Variants in DLG5 observed in about 807,000 individuals in gnomAD.
DLG5 encodes discs large MAGUK scaffold protein 5.
DLG5 carries 48 observed loss-of-function variants against 189.8 expected under a neutral mutation model. That is an observed-to-expected ratio of 0.25 (90% CI 0.20 to 0.32). The LOEUF (loss-of-function observed/expected upper bound fraction) is 0.32, where lower values mean the gene tolerates loss of function less well. Ranked by LOEUF, DLG5 falls within the 10% of genes least tolerant of loss-of-function variation. DLG5 has a pLI of 1.00. For missense variants in DLG5, 2,160 were observed against 2,544.7 expected, an observed-to-expected ratio of 0.85 and a Z score of 3.25; for synonymous variants, 1,016 against 1,054.1, an observed-to-expected ratio of 0.96 and a Z score of 0.70.
intron 1 of DLG5, among the ~76,000 whole-genome samples, chr10:77,869,936 T>C (rs1564564882): frequency 6.6e-6 from 1 of 152,120 alleles, no homozygotes; most frequent in African/African-American, 2.4e-5. Context: ...GTAGCTTTTG[T>C]TTTCTGGAAC....
At chr10:77,876,430 A>G (rs1477457668) in intron 1 of DLG5, among the ~76,000 whole-genome samples, 2 of 148,518 alleles carry the variant, frequency 1.3e-5, no homozygotes. Context: ...GCTGGAGTGC[A>G]GTGGCACAAT....
chr10:77,908,245 C>T (rs767105108), intron 1 of DLG5, among the ~76,000 whole-genome samples: 4 of 152,222 alleles, frequency 2.6e-5, no homozygotes, highest in Admixed American at 2.0e-4. Context: ...AGAGTTGAAA[C>T]TGGGGAGAAC....
At chr10:77,801,477 G>A (rs1240808365) in intron 27 of DLG5, among the ~76,000 whole-genome samples, 2 of 152,112 alleles carry the variant, frequency 1.3e-5, no homozygotes, top group Non-Finnish European at 2.9e-5. Flanking sequence ...GGGTATTGTC[G>A]AAGAACAAAA....
intron 27 of DLG5, among the ~76,000 whole-genome samples, chr10:77,802,799 C>T (rs1841280144): frequency 6.6e-6 from 1 of 152,156 alleles, no homozygotes; most frequent in Non-Finnish European, 1.5e-5. Context: ...ACTCGGCAGG[C>T]TGAGGCAGGA....
intron 1 of DLG5, among the ~76,000 whole-genome samples, chr10:77,890,265 AG>A (rs1213977887): frequency 6.6e-6 from 1 of 152,194 alleles, no homozygotes; most frequent in African/African-American, 2.4e-5. Context: ...GGATGTCTTC[AG>A]CTGGAGGGCG....
the DLG5 span, among the ~76,000 whole-genome samples, chr10:77,935,565 T>G: frequency 6.6e-6 from 1 of 151,686 alleles, no homozygotes; most frequent in African/African-American, 2.4e-5. Context: ...GAGAAACAGA[T>G]CCTGGCGGTC....
chr10:77,803,174 G>A (rs1841302447), intron 27 of DLG5, among the ~76,000 whole-genome samples: 1 of 152,170 alleles, frequency 6.6e-6, no homozygotes, highest in Admixed American at 6.5e-5. Context: ...TAAAAAGCAA[G>A]AAAGAAGGGA....
chr10:77,806,622 G>C (rs923745806), intron 26 of DLG5, 136 bp downstream of exon 26: 3 of 1,241,056 alleles, frequency 2.4e-6, no homozygotes, highest in African/African-American at 3.0e-5. Context: ...AAAATGTAGA[G>C]AGCAGAAGCT....
chr10:77,842,534 T>C (rs963430939), intron 6 of DLG5, among the ~76,000 whole-genome samples: 1 of 152,240 alleles, frequency 6.6e-6, no homozygotes, highest in African/African-American at 2.4e-5. Flanking sequence ...TAAAGAGGCC[T>C]TAACGATCAT....
rs1844117985 is a variant in DLG5, at chr10:77,854,216, G to C, written c.680+11C>G. On this transcript the variant is annotated intron_variant, in intron 4 of 31. Transcript: ENST00000372391. Reference sequence around the variant, plus strand: ...GGTGTTGGAGGCCCTGGCCAAGCAGGCCTCACTCACTGGTAGAAGTCAGTC... The same window carrying C: ...GGTGTTGGAGGCCCTGGCCAAGCAGCCCTCACTCACTGGTAGAAGTCAGTC... The C allele has an allele frequency of 6.2e-7, 1 of 1,613,608 alleles. No homozygotes were observed. Among genetic ancestry groups the C allele is most frequent in the African/African-American group, 1.3e-5 (1 of 75,046 alleles).
intron 18 of DLG5, 39 bp downstream of exon 18, chr10:77,817,738 G>A (rs1842131986): frequency 6.6e-7 from 1 of 1,515,882 alleles, no homozygotes; most frequent in African/African-American, 1.4e-5. Context: ...TGAAAAGCTT[G>A]GCACCCTCTG....
At chr10:77,934,856 T>G in the DLG5 span, among the ~76,000 whole-genome samples, 30 of 109,836 alleles carry the variant, frequency 2.7e-4, 1 homozygote, top group African/African-American at 9.6e-4. Context: ...TTTTTTGTTT[T>G]TTTGTTTTTT....
intron 2 of DLG5, among the ~76,000 whole-genome samples, chr10:77,860,933 A>G (rs116114343): frequency 0.032 from 4,926 of 152,326 alleles, 270 homozygotes; most frequent in African/African-American, 0.11. Context: ...ATATTTACTT[A>G]TTTTTTAAAA....
chr10:77,864,169 C>T (rs1844581794), intron 2 of DLG5, among the ~76,000 whole-genome samples: 2 of 152,114 alleles, frequency 1.3e-5, no homozygotes, highest in African/African-American at 4.8e-5. Context: ...GATTTCTCAG[C>T]CACCGCCCTT....
Position 77,812,023 on chromosome 10 carries a change from T to A in DLG5, c.4223A>T (p.Gln1408Leu). Residue 1408 changes from glutamine to leucine, a missense_variant, in exon 22 of 32, where the codon CAG (glutamine) becomes CTG (leucine). This residue lies in a region of DLG5 where 61 missense variants were observed against 101.0 expected (regional missense o/e 0.60). Coordinates refer to ENST00000372391, the MANE Select transcript of DLG5 (RefSeq NM_004747.4). The stretch of plus-strand genomic sequence containing the variant: ...CTGCCCGATGATGAGCCGCGCCTGC[T>A]GCTCCGTGGCGCTCCGCAGGTTTAT... Reference protein sequence around the residue: ...NGINLRSATEQQARLIIGQQC... With the variant: ...NGINLRSATELQARLIIGQQC... 1 of 1,611,222 alleles carries A rather than the reference T, an allele frequency of 6.2e-7. No individual in the cohort carries two copies. The highest frequency in any genetic ancestry group is 8.5e-7 in the Non-Finnish European group (1 of 1,179,988).
At chr10:77,913,687 C>A (rs965311457) in intron 1 of DLG5, among the ~76,000 whole-genome samples, 3 of 152,152 alleles carry the variant, frequency 2.0e-5, no homozygotes, top group African/African-American at 4.8e-5. Context: ...CTCTTGGGCT[C>A]AACCAATCCT....
chr10:77,804,411 A>T (rs1445260251), intron 27 of DLG5, among the ~76,000 whole-genome samples: 2 of 152,212 alleles, frequency 1.3e-5, no homozygotes, highest in African/African-American at 2.4e-5. Context: ...GTCCCAGCTG[A>T]TAGTGACAGT....
intron 1 of DLG5, among the ~76,000 whole-genome samples, chr10:77,891,655 G>A (rs1845612838): frequency 6.6e-6 from 1 of 150,746 alleles, no homozygotes; most frequent in African/African-American, 2.5e-5. Flanking sequence ...ATTCCCAAAA[G>A]CCACATTCCC....
At chr10:77,932,245 T>C in the DLG5 span, among the ~76,000 whole-genome samples, 1 of 152,202 alleles carries the variant, frequency 6.6e-6, no homozygotes, top group African/African-American at 2.4e-5. Context: ...TTTAGTTTCA[T>C]GAATGAGTGG....
Sources: gnomAD v4.1 joint callset for allele counts (sites outside exome capture counted in the v4.1 genomes callset) on GRCh38, gnomAD v4.1.1 for gene constraint, gnomAD v4.1.1 regional missense constraint, MANE v1.5 for transcripts, NCBI Gene and HGNC (gene_info 2026-07-23, HGNC 2026-07-21) for gene names.